Variants in NALF1 observed in about 807,000 individuals in gnomAD.
The protein encoded by NALF1 is NALCN channel auxiliary factor 1.
Under a neutral mutation model 48.4 loss-of-function variants are expected in NALF1, and 3 were observed. The observed-to-expected ratio is 0.06, with a 90% confidence interval of 0.03 to 0.16. The LOEUF (loss-of-function observed/expected upper bound fraction) is 0.16. Among genes scored for constraint, NALF1 ranks in the 10% least tolerant of loss-of-function variants. The pLI is 1.00. For synonymous variants in NALF1, 262 were observed against 245.7 expected (o/e 1.07, Z -0.62); for missense variants, 526 against 571.5 (o/e 0.92, Z 0.81).
Position 107,682,453 on chromosome 13 carries a change from T to C in NALF1, c.915+183229A>G, listed in dbSNP as rs562007915. On this transcript the variant is annotated intron_variant, in intron 1 of 2. Coordinates refer to ENST00000375915, the MANE Select transcript of NALF1 (RefSeq NM_001080396.3). ...AGCGCCTAACACAGGCTGTTCCTGC[T>C]GCCAGCATTGTGCTGTTCCCAACAC... Among the ~76,000 whole-genome samples the C allele has an allele frequency of 3.1e-4, 47 of 152,260 alleles. 1 individual carries two copies. Among genetic ancestry groups the C allele is most frequent in the Admixed American group, 2.8e-3 (43 of 15,306 alleles).
At chr13:107,453,756 T>A (rs1285560563) in intron 1 of NALF1, among the ~76,000 whole-genome samples, 1 of 152,364 alleles carries the variant, frequency 6.6e-6, no homozygotes, top group African/African-American at 2.4e-5. Flanking sequence ...TTTACCAAAC[T>A]TTTATGTTCT....
At chr13:107,553,546 G>C (rs982186843) in intron 1 of NALF1, among the ~76,000 whole-genome samples, 1 of 152,092 alleles carries the variant, frequency 6.6e-6, no homozygotes, top group Non-Finnish European at 1.5e-5. Flanking sequence ...ATTTACTATA[G>C]ATTTTTATGA....
intron 1 of NALF1, among the ~76,000 whole-genome samples, chr13:107,840,501 A>C (rs1045316489): frequency 6.6e-6 from 1 of 152,214 alleles, no homozygotes; most frequent in African/African-American, 2.4e-5. Flanking sequence ...CTTGCATTTC[A>C]GGTGGCAAAA....
At chr13:107,514,859 C>A (rs1179682301) in intron 1 of NALF1, among the ~76,000 whole-genome samples, 1 of 152,104 alleles carries the variant, frequency 6.6e-6, no homozygotes, top group Non-Finnish European at 1.5e-5. Flanking sequence ...GGCAAAACAG[C>A]AGTCAAGCTA....
chr13:107,369,240 A>G (rs992948946), intron 1 of NALF1, among the ~76,000 whole-genome samples: 2 of 152,162 alleles, frequency 1.3e-5, no homozygotes, highest in Non-Finnish European at 2.9e-5. Flanking sequence ...ATCCATCTCT[A>G]TATTTATGTT....
intron 1 of NALF1, among the ~76,000 whole-genome samples, chr13:107,592,653 A>G (rs1283559052): frequency 1.3e-5 from 2 of 151,906 alleles, no homozygotes; most frequent in Admixed American, 6.6e-5. Context: ...ATCTTGATGT[A>G]TATGAAATTG....
intron 1 of NALF1, among the ~76,000 whole-genome samples, chr13:107,629,926 C>T (rs1034701994): frequency 5.9e-5 from 9 of 152,192 alleles, no homozygotes; most frequent in African/African-American, 1.4e-4. Context: ...CTAGTATCTT[C>T]GCATTCAAGA....
At chr13:107,585,110 A>T (rs1878417436) in intron 1 of NALF1, among the ~76,000 whole-genome samples, 1 of 152,202 alleles carries the variant, frequency 6.6e-6, no homozygotes, top group Admixed American at 6.5e-5. Context: ...TCTCCTTTGA[A>T]CGAAAGAGAT....
At chr13:107,808,630 G>A (rs963132721) in intron 1 of NALF1, among the ~76,000 whole-genome samples, 4 of 149,990 alleles carry the variant, frequency 2.7e-5, no homozygotes, top group Non-Finnish European at 4.4e-5. Flanking sequence ...TCCTATTTGC[G>A]CAACTTTTAG....
At position 107,867,362 on chromosome 13, in the gene NALF1, G is replaced by C. The variant is rs1474934787; in HGVS notation, c.-766C>G. Among the ~76,000 whole-genome samples, 2 of 143,982 alleles carry C rather than the reference G, an allele frequency of 1.4e-5. No individual in the cohort carries two copies. Among genetic ancestry groups the C allele is most frequent in the African/African-American group, 2.5e-5 (1 of 39,812 alleles). 94.5% of individuals were successfully genotyped at this position (143,982 alleles called of 152,430 possible). ...AGGGCCGCCCGCGGGCGCCGCCGCC[G>C]GGGCTCCGACTGCTGACGCCGCCTC... On this transcript the variant is annotated 5_prime_UTR_variant, in exon 1 of 3. Transcript: ENST00000375915. The surrounding 1 kb of genome is among the most constrained non-coding windows in gnomAD (Gnocchi z 4.4).
intron 1 of NALF1, among the ~76,000 whole-genome samples, chr13:107,493,943 T>C (rs1164470925): frequency 6.6e-6 from 1 of 152,050 alleles, no homozygotes; most frequent in Non-Finnish European, 1.5e-5. Context: ...GTCACACACA[T>C]ATATCCATTA....
At chr13:107,563,257 G>A (rs376587081) in intron 1 of NALF1, among the ~76,000 whole-genome samples, 22 of 152,178 alleles carry the variant, frequency 1.4e-4, no homozygotes, top group Admixed American at 6.5e-4. Flanking sequence ...AGAGCCCCCA[G>A]GTCAAAGATC....
intron 1 of NALF1, among the ~76,000 whole-genome samples, chr13:107,462,010 T>C (rs957285599): frequency 1.3e-5 from 2 of 152,194 alleles, no homozygotes; most frequent in Non-Finnish European, 2.9e-5. Context: ...AGTCCCTTAT[T>C]TACCCGTTAC....
intron 1 of NALF1, among the ~76,000 whole-genome samples, chr13:107,408,126 G>C (rs1883931004): frequency 6.6e-6 from 1 of 152,018 alleles, no homozygotes; most frequent in Non-Finnish European, 1.5e-5. Context: ...TAGCCTGGGA[G>C]TGCACAGGGG....
Position 107,314,449 on chromosome 13 carries a change from CT to C in NALF1, c.916-103695del, listed in dbSNP as rs373545073. 7.2e-5 allele frequency among the ~76,000 whole-genome samples: 11 copies of C among 152,154 alleles called. 1 individual carries two copies. In the South Asian group the frequency reaches 2.3e-3, roughly 32 times the overall value. ...TGTCTATACTCCCTGTTCTCTTCTC[CT>C]AGTTCCACCTCATCTTGATTCTTCA... is the stretch of plus-strand genomic sequence containing the variant. On this transcript the variant is annotated intron_variant, in intron 1 of 2. Transcript: ENST00000375915.
chr13:107,368,774 C>A (rs914356846), intron 1 of NALF1, among the ~76,000 whole-genome samples: 1 of 152,222 alleles, frequency 6.6e-6, no homozygotes, highest in South Asian at 2.1e-4. Flanking sequence ...GACCCCTTTT[C>A]CAAATAGGCA....
intron 1 of NALF1, among the ~76,000 whole-genome samples, chr13:107,506,380 A>G (rs2139083219): frequency 6.6e-6 from 1 of 152,274 alleles, no homozygotes; most frequent in South Asian, 2.1e-4. Flanking sequence ...AAAATAGTAC[A>G]TTTTAAAATA....
At chr13:107,288,386 A>AT (rs1881544384) in intron 1 of NALF1, among the ~76,000 whole-genome samples, 1 of 150,312 alleles carries the variant, frequency 6.7e-6, no homozygotes, top group East Asian at 2.0e-4. Context: ...CAGCCAGCTA[A>AT]TTTTTGTATT....
chr13:107,589,602 A>G (rs1566405428), intron 1 of NALF1, among the ~76,000 whole-genome samples: 3 of 152,094 alleles, frequency 2.0e-5, no homozygotes. Context: ...GCAATTAAAT[A>G]TTAATTTTAT....
Sources: gnomAD v4.1 joint callset for allele counts (sites outside exome capture counted in the v4.1 genomes callset) on GRCh38, gnomAD v4.1.1 for gene constraint, Gnocchi (gnomAD v3.1) non-coding constraint, MANE v1.5 for transcripts, NCBI Gene and HGNC (gene_info 2026-07-23, HGNC 2026-07-21) for gene names.